The following AGTPBP1 variants were observed in gnomAD, a reference collection of about 807,000 sequenced individuals.
The protein encoded by AGTPBP1 is cytosolic carboxypeptidase 1.
AGTPBP1 carries 70 observed loss-of-function variants against 143.9 expected under a neutral mutation model. That is an observed-to-expected ratio of 0.49 (90% confidence interval 0.40 to 0.59). The LOEUF (loss-of-function observed/expected upper bound fraction) is 0.59. Ranked by LOEUF, AGTPBP1 falls within the 20% of genes least tolerant of loss-of-function variation. The probability of loss-of-function intolerance (pLI) is 0.00; values close to 1 mark genes in which losing one functional copy is unlikely to be tolerated. For synonymous variants in AGTPBP1, 463 were observed against 500.2 expected (o/e 0.93, Z 0.99); for missense variants, 1,229 against 1,464.5 (o/e 0.84, Z 2.62).
At chr9:85,700,539 G>A (rs1471896054) in intron 2 of AGTPBP1, among the ~76,000 whole-genome samples, 1 of 152,112 alleles carries the variant, frequency 6.6e-6, no homozygotes, top group East Asian at 1.9e-4. Context: ...TGCCCAAAAG[G>A]AGAACTAAAA....
intron 1 of AGTPBP1, among the ~76,000 whole-genome samples, chr9:85,713,892 T>C (rs568797414): frequency 6.6e-6 from 1 of 152,346 alleles, no homozygotes; most frequent in East Asian, 1.9e-4. Flanking sequence ...AGTAACTTTT[T>C]TCTATTTCTA....
At chr9:85,589,717 T>C (rs1420714400) in intron 19 of AGTPBP1, 36 bp from the exon 20 acceptor site, 1 of 1,565,790 alleles carries the variant, frequency 6.4e-7, no homozygotes, top group South Asian at 1.2e-5. Context: ...ATACAATCAC[T>C]TAAAAAGTCC....
upstream of AGTPBP1, among the ~76,000 whole-genome samples, chr9:85,742,856 T>G (rs1476277841): frequency 2.6e-5 from 4 of 152,352 alleles, no homozygotes; most frequent in Non-Finnish European, 4.4e-5. Context: ...TGGTAAGGAA[T>G]GTAATATCAC....
chr9:85,683,448 T>A (rs966093940), intron 3 of AGTPBP1, among the ~76,000 whole-genome samples: 3 of 152,160 alleles, frequency 2.0e-5, no homozygotes, highest in Non-Finnish European at 4.4e-5. Context: ...TTCACTTCCA[T>A]GAAGGGTAAA....
At chr9:85,660,277 G>A (rs553434530) in intron 9 of AGTPBP1, among the ~76,000 whole-genome samples, 5 of 151,986 alleles carry the variant, frequency 3.3e-5, no homozygotes, top group African/African-American at 1.2e-4. Flanking sequence ...TAAACAAAAT[G>A]TTTATGTAAT....
At chr9:85,671,418 T>A (rs1455864418) in intron 7 of AGTPBP1, among the ~76,000 whole-genome samples, 1 of 152,202 alleles carries the variant, frequency 6.6e-6, no homozygotes. Context: ...CCTTATGTTC[T>A]TTTTAATTAC....
chr9:85,608,063 T>C (rs1333928014), intron 17 of AGTPBP1, among the ~76,000 whole-genome samples: 1 of 152,072 alleles, frequency 6.6e-6, no homozygotes, highest in Admixed American at 6.5e-5. Context: ...AAACCACACA[T>C]GACCCAGGCC....
At chr9:85,679,397 TGAA>T (rs1424596862) in intron 4 of AGTPBP1, among the ~76,000 whole-genome samples, 4 of 152,100 alleles carry the variant, frequency 2.6e-5, no homozygotes, top group Non-Finnish European at 5.9e-5. Flanking sequence ...CCTTCCTAAA[TGAA>T]GAAGTTCTTT....
At chr9:85,680,159 A>C (rs1370796392) in intron 4 of AGTPBP1, among the ~76,000 whole-genome samples, 2 of 152,200 alleles carry the variant, frequency 1.3e-5, no homozygotes, top group Non-Finnish European at 2.9e-5. Context: ...CATAATTTCC[A>C]AACTATTTTA....
upstream of AGTPBP1, among the ~76,000 whole-genome samples, chr9:85,745,323 T>G (rs1004874091): frequency 6.6e-6 from 1 of 152,248 alleles, no homozygotes; most frequent in Non-Finnish European, 1.5e-5. Context: ...TGATTGATCA[T>G]GAGGTTTCTG....
intron 13 of AGTPBP1, among the ~76,000 whole-genome samples, chr9:85,638,743 T>G (rs1331682709): frequency 6.6e-6 from 1 of 151,886 alleles, no homozygotes; most frequent in East Asian, 1.9e-4. Context: ...GGAAGAAAAC[T>G]CAATCTACAT....
chr9:85,614,169 G>C (rs1830478390), intron 17 of AGTPBP1, among the ~76,000 whole-genome samples: 1 of 151,842 alleles, frequency 6.6e-6, no homozygotes, highest in Non-Finnish European at 1.5e-5. Context: ...AGGATGCCCA[G>C]TGTACCCCTT....
the AGTPBP1 span, among the ~76,000 whole-genome samples, chr9:85,751,819 C>G: frequency 1.3e-5 from 2 of 150,336 alleles, no homozygotes; most frequent in Non-Finnish European, 3.0e-5. Flanking sequence ...GTTGGCCAGG[C>G]TGGTCTTGAA....
intron 7 of AGTPBP1, among the ~76,000 whole-genome samples, chr9:85,670,325 C>T (rs1206173336): frequency 6.6e-6 from 1 of 151,938 alleles, no homozygotes; most frequent in Non-Finnish European, 1.5e-5. Context: ...GGGAATCACG[C>T]AAAAGGAACA....
chr9:85,654,510 C>T (rs560384699), intron 11 of AGTPBP1, among the ~76,000 whole-genome samples: 1 of 151,876 alleles, frequency 6.6e-6, no homozygotes, highest in East Asian at 1.9e-4. Flanking sequence ...ACATAATTTA[C>T]CTAGACATTT....
At chr9:85,682,386 C>G (rs1473288096) in intron 3 of AGTPBP1, among the ~76,000 whole-genome samples, 2 of 151,976 alleles carry the variant, frequency 1.3e-5, no homozygotes, top group Non-Finnish European at 2.9e-5. Context: ...CTACTCTTTT[C>G]ATGGATCTAA....
chr9:85,711,398 G>A (rs552984276), intron 2 of AGTPBP1, among the ~76,000 whole-genome samples: 4 of 150,868 alleles, frequency 2.7e-5, no homozygotes, highest in African/African-American at 9.7e-5. Context: ...ATGATACAGT[G>A]TGCTTTAACT....
the AGTPBP1 span, among the ~76,000 whole-genome samples, chr9:85,749,403 A>C: frequency 4.6e-5 from 7 of 152,316 alleles, no homozygotes; most frequent in Admixed American, 2.6e-4. Flanking sequence ...TCCCAAAGAT[A>C]TATTGATGTA....
At chr9:85,681,041 A>G (rs933010145) in intron 4 of AGTPBP1, among the ~76,000 whole-genome samples, 2 of 152,250 alleles carry the variant, frequency 1.3e-5, no homozygotes, top group Admixed American at 6.5e-5. Context: ...CACCTAATAC[A>G]TATTAAAATA....
Sources: gnomAD v4.1 joint callset for allele counts (sites outside exome capture counted in the v4.1 genomes callset) on GRCh38, gnomAD v4.1.1 for gene constraint, MANE v1.5 for transcripts, NCBI Gene and HGNC (gene_info 2026-07-23, HGNC 2026-07-21) for gene names.